The following DENND2B variants were observed in gnomAD, a reference collection of about 807,000 sequenced individuals.
DENND2B encodes the protein DENN domain containing 2B, also known as DENN domain-containing protein 2B.
DENND2B carries 32 observed loss-of-function variants against 116.0 expected under a neutral mutation model. That is an observed-to-expected ratio of 0.28 (90% CI 0.21 to 0.37). DENND2B has a LOEUF of 0.37. Among genes scored for constraint, DENND2B ranks in the 10% least tolerant of loss-of-function variants. DENND2B has a pLI of 1.00. For missense variants in DENND2B, 1,276 were observed against 1,477.7 expected (o/e 0.86, Z 2.24); for synonymous variants, 588 against 583.9 (o/e 1.01, Z -0.10).
upstream of DENND2B, among the ~76,000 whole-genome samples, chr11:8,814,629 C>T (rs1030357088): frequency 2.0e-5 from 3 of 152,200 alleles, no homozygotes; most frequent in Non-Finnish European, 4.4e-5. Context: ...CCACACTTAT[C>T]CTTCAGAGCA....
At chr11:8,856,526 C>A (rs2063198438) in intron 3 of DENND2B, among the ~76,000 whole-genome samples, 1 of 152,154 alleles carries the variant, frequency 6.6e-6, no homozygotes, top group Non-Finnish European at 1.5e-5. Flanking sequence ...CACAACTTAT[C>A]CGTCCAAAGC....
At chr11:8,869,944 C>A (rs2063719155) in intron 2 of DENND2B, among the ~76,000 whole-genome samples, 2 of 146,662 alleles carry the variant, frequency 1.4e-5, no homozygotes, top group South Asian at 4.5e-4. Context: ...AAAAAAAAAT[C>A]AATTAAGGGA....
intron 2 of DENND2B, among the ~76,000 whole-genome samples, chr11:8,734,073 C>G (rs1299877824): frequency 6.6e-6 from 1 of 152,202 alleles, no homozygotes; most frequent in Admixed American, 6.5e-5. Flanking sequence ...GAGAAGGCAC[C>G]AGTCACTCAT....
intron 14 of DENND2B, among the ~76,000 whole-genome samples, chr11:8,701,006 C>G (rs922682542): frequency 2.6e-5 from 4 of 152,056 alleles, no homozygotes; most frequent in Non-Finnish European, 5.9e-5. Flanking sequence ...CCAGGAGAGT[C>G]TCGATCTCTT....
At chr11:8,890,147 T>G (rs1263397746) in intron 1 of DENND2B, among the ~76,000 whole-genome samples, 2 of 152,172 alleles carry the variant, frequency 1.3e-5, no homozygotes, top group Non-Finnish European at 2.9e-5. Context: ...GGAGTGGACC[T>G]CCAGCAAACT....
chr11:8,853,181 T>C (rs2063071143), intron 3 of DENND2B, among the ~76,000 whole-genome samples: 1 of 151,910 alleles, frequency 6.6e-6, no homozygotes. Context: ...CTGGCCAACA[T>C]GGTAAACCCC....
intron 4 of DENND2B, among the ~76,000 whole-genome samples, chr11:8,816,334 C>T (rs972938250): frequency 4.6e-5 from 7 of 152,036 alleles, no homozygotes; most frequent in Non-Finnish European, 7.4e-5. Context: ...TTGCTTGAGC[C>T]CAGGAGTTCA....
At chr11:8,806,602 C>CAA (rs1308415190) in intron 1 of DENND2B, among the ~76,000 whole-genome samples, 3 of 5,754 alleles carry the variant, frequency 5.2e-4, no homozygotes, top group Non-Finnish European at 1.2e-3. Flanking sequence ...CCTCTCCCTT[C>CAA]AAAACACACA....
intron 2 of DENND2B, among the ~76,000 whole-genome samples, chr11:8,860,640 T>A (rs535875194): frequency 6.6e-6 from 1 of 152,238 alleles, no homozygotes; most frequent in Admixed American, 6.5e-5. Flanking sequence ...ACAGATTCAA[T>A]GCAATTCCTA....
intron 1 of DENND2B, among the ~76,000 whole-genome samples, chr11:8,769,010 C>T (rs922644479): frequency 6.6e-5 from 10 of 152,160 alleles, no homozygotes; most frequent in Admixed American, 2.6e-4. Flanking sequence ...CTCTAAGAAG[C>T]TCCAGAGAAT....
intron 2 of DENND2B, among the ~76,000 whole-genome samples, chr11:8,864,223 T>C (rs16906250): frequency 0.031 from 4,720 of 152,132 alleles, 239 homozygotes; most frequent in African/African-American, 0.11. Context: ...GATCAGGAGG[T>C]ACCCAACACT....
intron 1 of DENND2B, among the ~76,000 whole-genome samples, chr11:8,887,461 T>C (rs1420596315): frequency 6.6e-6 from 1 of 152,174 alleles, no homozygotes. Flanking sequence ...ACTAAAATAA[T>C]CCTCCTACCT....
At chr11:8,802,053 C>T (rs2060394648) in intron 1 of DENND2B, among the ~76,000 whole-genome samples, 1 of 148,012 alleles carries the variant, frequency 6.8e-6, no homozygotes, top group South Asian at 2.1e-4. Flanking sequence ...ATAATCCCAG[C>T]ACTTTGGGAG....
chr11:8,724,061 C>T (rs941987673), intron 4 of DENND2B, among the ~76,000 whole-genome samples: 3 of 152,048 alleles, frequency 2.0e-5, no homozygotes, highest in African/African-American at 7.2e-5. Flanking sequence ...TTTGGGAGAC[C>T]GAGGCAGGCG....
chr11:8,745,650 C>T (rs987799832), intron 2 of DENND2B, among the ~76,000 whole-genome samples: 2 of 152,190 alleles, frequency 1.3e-5, no homozygotes, highest in Non-Finnish European at 2.9e-5. Context: ...TTAATCAATA[C>T]AGCACAATAG....
At chr11:8,720,973 T>C (rs1340586959) in intron 4 of DENND2B, among the ~76,000 whole-genome samples, 2 of 152,156 alleles carry the variant, frequency 1.3e-5, no homozygotes, top group Admixed American at 6.5e-5. Context: ...TGCAAATTTC[T>C]ACCTGCATTC....
In DENND2B at chr11:8,702,525, T is replaced by A; in HGVS notation, c.2720+47A>T. The A allele has an allele frequency of 6.2e-7, 1 of 1,604,290 alleles. No individual in the cohort carries two copies. Among genetic ancestry groups the A allele is most frequent in the Non-Finnish European group, 8.5e-7 (1 of 1,179,578 alleles). ...GAACACTTGCTGATTCGCTTGTGGG[T>A]GTGCCTTCCCCCCTCCCTTCTGCTT... On this transcript the variant is annotated intron_variant, in intron 14 of 19. Transcript: ENST00000313726. This position sits in a 1 kb window ranked among gnomAD's most constrained non-coding sequence, Gnocchi z 4.6.
intron 4 of DENND2B, among the ~76,000 whole-genome samples, chr11:8,824,060 G>C (rs7127197): frequency 6.6e-6 from 1 of 151,432 alleles, no homozygotes; most frequent in Non-Finnish European, 1.5e-5. Context: ...CCACCACCAC[G>C]CCCGGCTAAT....
At chr11:8,717,663 G>GGTGGT in intron 5 of DENND2B, 78 bp downstream of exon 5, 1 of 1,460,258 alleles carries the variant, frequency 6.8e-7, no homozygotes, top group South Asian at 1.6e-5. Context: ...AGTGGAAGCT[G>GGTGGT]GGCCCAAGTC....
Sources: allele counts gnomAD v4.1 joint callset (sites outside exome capture counted in the v4.1 genomes callset), GRCh38; gene constraint gnomAD v4.1.1; non-coding constraint Gnocchi (gnomAD v3.1); transcripts MANE v1.5; gene names NCBI Gene and HGNC (gene_info 2026-07-23, HGNC 2026-07-21).